The following HGF variants were observed in gnomAD, a reference collection of about 807,000 sequenced individuals.
HGF encodes fibroblast-derived tumor cytotoxic factor.
Under a neutral mutation model 111.6 loss-of-function variants are expected in HGF, and 39 were observed. That is an observed-to-expected ratio of 0.35 (90% CI 0.27 to 0.46). The LOEUF is 0.46. Among genes scored for constraint, HGF ranks in the 20% least tolerant of loss-of-function variants. HGF has a pLI of 1.00. For synonymous variants in HGF, 285 were observed against 294.8 expected, an observed-to-expected ratio of 0.97 and a Z score of 0.34; for missense variants, 735 against 910.5, an observed-to-expected ratio of 0.81 and a Z score of 2.48.
chr7:81,721,110 G>A (rs367856244), intron 9 of HGF, among the ~76,000 whole-genome samples: 14 of 152,272 alleles, frequency 9.2e-5, no homozygotes, highest in East Asian at 3.9e-4. Flanking sequence ...AGCCAGGCGT[G>A]GTGGTGGGCG....
chr7:81,768,357 A>G lies in HGF; in HGVS notation c.88+1527T>C, dbSNP rs148135809. ...TCAATTTAAGCTCAAAATCCCCTAA[A>G]CCAGCAGTCATCTGTGAAGCATTTT... On this transcript the variant is annotated intron_variant, in intron 1 of 17. Transcript: ENST00000222390. Among the ~76,000 whole-genome samples, 524 of 152,088 alleles carry G rather than the reference A, an allele frequency of 3.4e-3. 6 individuals are homozygous for G. The highest frequency in any genetic ancestry group is 0.027 in the South Asian group (128 of 4,816).
Position 81,717,327 on chromosome 7 carries a change from T to A in HGF, c.1310A>T (p.Glu437Val). ...FWEPDASKLN[E>V]NYCRNPDDDA... ...ATCATCTGGATTTCGGCAGTAATTCTCATTCAGCTTACTTGCATCTGGTTC... is the reference window on the plus strand; with the variant it reads ...ATCATCTGGATTTCGGCAGTAATTCACATTCAGCTTACTTGCATCTGGTTC... Residue 437 changes from glutamate to valine, a missense_variant, in exon 11 of 18, where the codon GAG becomes GTG. This residue lies in a region of HGF where 553 missense variants were observed against 685.6 expected (regional missense o/e 0.81). Transcript: ENST00000222390. 1 of 1,613,690 alleles carries A rather than the reference T, an allele frequency of 6.2e-7. No individual in the cohort carries two copies. The highest frequency in any genetic ancestry group is 8.5e-7 in the Non-Finnish European group (1 of 1,179,592).
intron 11 of HGF, 137 bp downstream of exon 11, chr7:81,717,095 C>A: frequency 1.3e-6 from 1 of 772,510 alleles, no homozygotes. Flanking sequence ...GTGTTGTGTA[C>A]ATTTGTGTGT....
At chr7:81,742,861 A>G in intron 7 of HGF, 1 of 1,602,890 alleles carries the variant, frequency 6.2e-7, no homozygotes, top group South Asian at 1.1e-5. Flanking sequence ...CATCTGTGAT[A>G]AACTTCTATT....
intron 9 of HGF, among the ~76,000 whole-genome samples, chr7:81,721,779 T>G (rs1789870760): frequency 6.6e-6 from 1 of 152,242 alleles, no homozygotes; most frequent in African/African-American, 2.4e-5. Context: ...GTTTGATCAC[T>G]TGGTTAAGTG....
At position 81,702,113 on chromosome 7, in the gene HGF, A is replaced by G. The variant is rs1271516663; in HGVS notation, c.*468T>C. The G allele has an allele frequency of 1.9e-5, 4 of 211,748 alleles. No homozygotes were observed. Among genetic ancestry groups the G allele is most frequent in the South Asian group, 3.2e-4 (2 of 6,282 alleles). 13.1% of individuals were successfully genotyped at this position (211,748 alleles called of 1,614,324 possible). On this transcript the variant is annotated 3_prime_UTR_variant, in exon 18 of 18. Coordinates refer to ENST00000222390, the MANE Select transcript of HGF (RefSeq NM_000601.6). The stretch of plus-strand genomic sequence containing the variant: ...CATGGTGAAGAGAAATGAATGAACT[A>G]TAACATATAGCATATGAAATGTAAT...
Position 81,729,560 on chromosome 7 carries a change from C to T in HGF, c.1040+45G>A, listed in dbSNP as rs745688222. The T allele has an allele frequency of 1.4e-6, 2 of 1,445,348 alleles. 1 individual carries two copies. Among genetic ancestry groups the T allele is most frequent in the South Asian group, 2.3e-5 (2 of 87,778 alleles). The allele number at this position is 1,445,348 out of a possible 1,614,324, so 89.5% of individuals were successfully genotyped here. ...AAAAGTAACCACTCTACCTCATTTTCCCCAGGGCCTACTGAAATGTATAAC... is the reference window on the plus strand; with the variant it reads ...AAAAGTAACCACTCTACCTCATTTTTCCCAGGGCCTACTGAAATGTATAAC... On this transcript the variant is annotated intron_variant, in intron 8 of 17. Transcript: ENST00000222390.
chr7:81,725,417 C>T (rs1323899493), intron 9 of HGF, among the ~76,000 whole-genome samples: 1 of 152,174 alleles, frequency 6.6e-6, no homozygotes, highest in Admixed American at 6.5e-5. Context: ...GCACATGCTG[C>T]TCCCTCACTG....
At chr7:81,710,815 C>G (rs79361545) in intron 12 of HGF, among the ~76,000 whole-genome samples, 1 of 152,048 alleles carries the variant, frequency 6.6e-6, no homozygotes, top group Non-Finnish European at 1.5e-5. Context: ...AAATGTTTTC[C>G]TGACCCTCCT....
intron 17 of HGF, among the ~76,000 whole-genome samples, chr7:81,703,940 A>C (rs1789356045): frequency 6.6e-6 from 1 of 151,772 alleles, no homozygotes. Context: ...TTTTTAAACA[A>C]ATGTACTAGT....
intron 11 of HGF, among the ~76,000 whole-genome samples, chr7:81,714,164 T>G (rs1340375967): frequency 2.6e-5 from 4 of 152,180 alleles, no homozygotes; most frequent in Non-Finnish European, 5.9e-5. Context: ...GATGTTCACA[T>G]TCTCATTTTA....
intron 2 of HGF, among the ~76,000 whole-genome samples, chr7:81,760,873 T>C (rs954607426): frequency 1.1e-4 from 17 of 152,110 alleles, no homozygotes; most frequent in Admixed American, 1.1e-3. Context: ...CTCATATATA[T>C]GGAATATGTG....
At chr7:81,724,673 A>G (rs1230158017) in intron 9 of HGF, among the ~76,000 whole-genome samples, 1 of 152,160 alleles carries the variant, frequency 6.6e-6, no homozygotes, top group African/African-American at 2.4e-5. Context: ...TTTTGCATGC[A>G]TATGCATGCA....
At chr7:81,741,938 CA>C (rs71520767) in intron 7 of HGF, among the ~76,000 whole-genome samples, 1,416 of 46,246 alleles carry the variant, frequency 0.031, 14 homozygotes, top group African/African-American at 0.093. Context: ...AACTCCATCT[CA>C]AAAAAAAAAA....
rs1017861973 is a variant in HGF at position 81,707,479 on chromosome 7, T to C, written c.1542-115A>G. ...AATAAATACACTGCAGAGGAAAATA[T>C]AGAAATTAACCCAACTGGAATAAAA... On this transcript the variant is annotated intron_variant, in intron 13 of 17. Transcript: ENST00000222390. 4 of 692,924 alleles carry C rather than the reference T, an allele frequency of 5.8e-6. No individual in the cohort carries two copies. In the East Asian group the frequency reaches 8.1e-5, roughly 14 times the overall value. The allele number at this position is 692,924 out of a possible 1,614,324, so 42.9% of individuals were successfully genotyped here.
At chr7:81,730,120 G>A (rs537001064) in intron 7 of HGF, among the ~76,000 whole-genome samples, 10 of 152,164 alleles carry the variant, frequency 6.6e-5, no homozygotes, top group Non-Finnish European at 1.0e-4. Flanking sequence ...ATACAAAGTG[G>A]TAATGAAATT....
intron 9 of HGF, among the ~76,000 whole-genome samples, chr7:81,722,082 TA>T (rs1789880507): frequency 6.6e-6 from 1 of 152,210 alleles, no homozygotes; most frequent in Non-Finnish European, 1.5e-5. Context: ...GTAGAAATAG[TA>T]AATTAAATGT....
chr7:81,700,171 A>T lies in HGF; in HGVS notation c.*2410T>A, dbSNP rs1341668633. ...AAATAAAGTGGATTGTTGGATTTTTAAAAATGTTTAATGATTTATTCAGCA... is the reference window on the plus strand; with the variant it reads ...AAATAAAGTGGATTGTTGGATTTTTTAAAATGTTTAATGATTTATTCAGCA... On this transcript the variant is annotated 3_prime_UTR_variant, in exon 18 of 18. Transcript: ENST00000222390. 6.6e-6 allele frequency: 1 copy of T among 151,692 alleles called. No homozygotes were observed. The allele number at this position is 151,692 out of a possible 1,614,324, so 9.4% of individuals were successfully genotyped here.
At chr7:81,721,021 C>G (rs1043121513) in intron 9 of HGF, among the ~76,000 whole-genome samples, 174 bp from the exon 10 acceptor site, 3 of 152,088 alleles carry the variant, frequency 2.0e-5, no homozygotes, top group Non-Finnish European at 2.9e-5. Context: ...CAAGGCGGGC[C>G]CATCACGAGG....
Sources: gnomAD v4.1 joint callset for allele counts (sites outside exome capture counted in the v4.1 genomes callset) on GRCh38, gnomAD v4.1.1 for gene constraint, gnomAD v4.1.1 regional missense constraint, MANE v1.5 for transcripts, NCBI Gene and HGNC (gene_info 2026-07-23, HGNC 2026-07-21) for gene names.